DNAJC15: variants seen among roughly 807,000 people sequenced by gnomAD.
DNAJC15 encodes DnaJ heat shock protein family (Hsp40) member C15, also known as dnaJ homolog subfamily C member 15.
DNAJC15 carries 27 observed loss-of-function variants against 22.4 expected under a neutral mutation model. The observed-to-expected ratio is 1.20, with a 90% CI of 0.89 to 1.66. The LOEUF is 1.66. DNAJC15 is among the 40% of genes most tolerant of loss of function. DNAJC15 has a pLI of 0.00. For synonymous variants in DNAJC15, 79 were observed against 63.2 expected (o/e 1.25, Z -1.19); for missense variants, 208 against 187.1 (o/e 1.11, Z -0.65).
chr13:43,029,721 G>C (rs2153439372), intron 1 of DNAJC15, among the ~76,000 whole-genome samples: 1 of 152,030 alleles, frequency 6.6e-6, no homozygotes, highest in South Asian at 2.1e-4. Flanking sequence ...ACCTGACATG[G>C]CCCATTTGTT....
At chr13:43,075,315 A>T (rs956558635) in intron 3 of DNAJC15, among the ~76,000 whole-genome samples, 3 of 152,192 alleles carry the variant, frequency 2.0e-5, no homozygotes, top group African/African-American at 7.2e-5. Context: ...AAAGTGAAAA[A>T]ATTGCTCAGA....
rs2040813854 is a variant in DNAJC15, at chr13:43,109,350, T to C, written c.*2102T>C. 6.6e-6 allele frequency: 1 copy of C among 152,192 alleles called. No individual in the cohort carries two copies. Among genetic ancestry groups the C allele is most frequent in the Admixed American group, 6.5e-5 (1 of 15,272 alleles). The allele number at this position is 152,192 out of a possible 1,614,324, so 9.4% of individuals were successfully genotyped here. A position where few individuals can be genotyped will look rare whatever the true frequency, so the allele number is the denominator to read the frequency against. ...CCTCTTTACTCTGGAGCACTTGCAT[T>C]TAGCAGGCATCATAAAGTTTTACGT... On this transcript the variant is annotated 3_prime_UTR_variant, in exon 6 of 6. Coordinates refer to ENST00000379221, the MANE Select transcript of DNAJC15 (RefSeq NM_013238.3).
chr13:43,065,592 G>A lies in DNAJC15; in HGVS notation c.109-94G>A, dbSNP rs1231588985. The A allele has an allele frequency of 4.0e-6, 4 of 1,003,982 alleles. No individual in the cohort carries two copies. The African/African-American group carries it at 4.8e-5, about 12-fold the overall frequency. 62.2% of individuals were successfully genotyped at this position (1,003,982 alleles called of 1,614,324 possible). On this transcript the variant is annotated intron_variant, in intron 1 of 5. Coordinates refer to ENST00000379221, the MANE Select transcript of DNAJC15 (RefSeq NM_013238.3). ...CACAGTAGAGCTTAAAGAAAGTGTA[G>A]TATTGTAATGTAATTATTCTCATTA...
In DNAJC15 at chr13:43,041,617, A is replaced by G. The variant is rs556195713; in HGVS notation, c.108+17883A>G. On this transcript the variant is annotated intron_variant, in intron 1 of 5. Coordinates refer to ENST00000379221, the MANE Select transcript of DNAJC15 (RefSeq NM_013238.3). ...GGCAGAATCTCAGTCAGAATTCAACATCTAACCTTTGTTCTCTCCCTGTAT... is the reference window on the plus strand; with the variant it reads ...GGCAGAATCTCAGTCAGAATTCAACGTCTAACCTTTGTTCTCTCCCTGTAT... Among the ~76,000 whole-genome samples the G allele has an allele frequency of 1.6e-4, 25 of 152,318 alleles. No homozygotes were observed. The South Asian group carries it at 2.9e-3, about 18-fold the overall frequency.
intron 1 of DNAJC15, among the ~76,000 whole-genome samples, chr13:43,024,731 T>C (rs1181372185): frequency 6.6e-6 from 1 of 151,830 alleles, no homozygotes. Flanking sequence ...TAACCTGATA[T>C]ATGCACAGTT....
chr13:43,045,465 T>G (rs1194759726), intron 1 of DNAJC15, among the ~76,000 whole-genome samples: 1 of 152,132 alleles, frequency 6.6e-6, no homozygotes, highest in African/African-American at 2.4e-5. Context: ...ACACTAAAGA[T>G]TTTATATGAA....
chr13:43,102,483 G>A (rs891058067), intron 5 of DNAJC15, among the ~76,000 whole-genome samples: 2 of 152,082 alleles, frequency 1.3e-5, no homozygotes, highest in African/African-American at 4.8e-5. Flanking sequence ...ACATGATTAT[G>A]TATTTATTTT....
chr13:43,092,184 T>C (rs1158702290), intron 5 of DNAJC15, among the ~76,000 whole-genome samples: 2 of 152,230 alleles, frequency 1.3e-5, no homozygotes, highest in African/African-American at 2.4e-5. Context: ...TGATTTAGGA[T>C]TGTTAAATCT....
intron 5 of DNAJC15, among the ~76,000 whole-genome samples, chr13:43,088,905 T>C (rs959266898): frequency 3.3e-5 from 5 of 152,060 alleles, no homozygotes; most frequent in African/African-American, 1.2e-4. Context: ...TCTTTTCCCT[T>C]CATTTCAGCA....
At chr13:43,104,969 G>C (rs878917413) in intron 5 of DNAJC15, among the ~76,000 whole-genome samples, 13 of 151,826 alleles carry the variant, frequency 8.6e-5, no homozygotes, top group African/African-American at 2.7e-4. Context: ...GATTACAGGC[G>C]TGAGCCACTG....
At chr13:43,062,710 TTTTTCTTTTTTC>T in intron 1 of DNAJC15, among the ~76,000 whole-genome samples, 1 of 152,200 alleles carries the variant, frequency 6.6e-6, no homozygotes, top group East Asian at 1.9e-4. Context: ...ATACTTTATA[TTTTTCTTTTTTC>T]TTTTCTTTTT....
intron 1 of DNAJC15, among the ~76,000 whole-genome samples, chr13:43,045,051 A>G (rs918264218): frequency 1.3e-5 from 2 of 152,078 alleles, no homozygotes; most frequent in Admixed American, 6.5e-5. Context: ...TGTTGACCAT[A>G]TAAGGCCCAG....
At chr13:43,080,447 T>A (rs1011282397) in intron 4 of DNAJC15, among the ~76,000 whole-genome samples, 2 of 152,248 alleles carry the variant, frequency 1.3e-5, no homozygotes, top group Non-Finnish European at 2.9e-5. Context: ...ATTTTCTTTA[T>A]CCTGTCTACC....
intron 1 of DNAJC15, among the ~76,000 whole-genome samples, chr13:43,033,167 A>C (rs1223416966): frequency 6.6e-6 from 1 of 152,222 alleles, no homozygotes; most frequent in Non-Finnish European, 1.5e-5. Flanking sequence ...CACCTCCCAC[A>C]TTGGGGATTA....
intron 1 of DNAJC15, among the ~76,000 whole-genome samples, chr13:43,048,249 G>A (rs1028817694): frequency 8.6e-5 from 13 of 151,816 alleles, no homozygotes; most frequent in African/African-American, 2.9e-4. Context: ...GGAGGCCAAG[G>A]CAGGTGGATC....
chr13:43,070,681 G>A (rs1372555322), intron 3 of DNAJC15, among the ~76,000 whole-genome samples: 1 of 152,138 alleles, frequency 6.6e-6, no homozygotes, highest in Admixed American at 6.6e-5. Context: ...GTGCAAATGA[G>A]TCTAGCAGCA....
At chr13:43,085,910 TATATGA>T in intron 5 of DNAJC15, 72 bp downstream of exon 5, 29 of 1,347,660 alleles carry the variant, frequency 2.2e-5, no homozygotes, top group African/African-American at 4.4e-5. Flanking sequence ...ATTAAAGTCA[TATATGA>T]TATATAGTTG....
Position 43,078,754 on chromosome 13 carries a change from T to C in DNAJC15, c.311+66T>C, listed in dbSNP as rs891353996. 7 of 1,459,870 alleles carry C rather than the reference T, an allele frequency of 4.8e-6. No individual in the cohort carries two copies. In the African/African-American group the frequency reaches 9.8e-5, roughly 20 times the overall value. 90.4% of individuals were successfully genotyped at this position (1,459,870 alleles called of 1,614,324 possible). ...GCTTGTCTTTAAAAAAGAGAAAACG[T>C]TACAATAAGGTTATACTTAGACTTA... On this transcript the variant is annotated intron_variant, in intron 4 of 5. Coordinates refer to ENST00000379221, the MANE Select transcript of DNAJC15 (RefSeq NM_013238.3).
rs529806432 is a variant in DNAJC15 at position 43,027,429 on chromosome 13, G to A, written c.108+3695G>A. On this transcript the variant is annotated intron_variant, in intron 1 of 5. Transcript: ENST00000379221. ...CCCCCACAACTCTTGTTATTATTAG[G>A]ATAGTGTAACATGTAAAAAAAACTA... is the stretch of plus-strand genomic sequence containing the variant. Among the ~76,000 whole-genome samples the A allele has an allele frequency of 5.9e-5, 9 of 152,086 alleles. No homozygotes were observed. The South Asian group carries it at 1.5e-3, about 25-fold the overall frequency.
Sources: allele counts gnomAD v4.1 joint callset (sites outside exome capture counted in the v4.1 genomes callset), GRCh38; gene constraint gnomAD v4.1.1; transcripts MANE v1.5; gene names NCBI Gene and HGNC (gene_info 2026-07-23, HGNC 2026-07-21).